Variants in COLEC10 observed in about 807,000 individuals in gnomAD.
COLEC10 encodes collectin subfamily member 10, also known as collectin-10.
Under a neutral mutation model 28.4 loss-of-function variants are expected in COLEC10, and 22 were observed. That is an observed-to-expected ratio of 0.78 (90% CI 0.55 to 1.11). The LOEUF is 1.11. Ranked by LOEUF, COLEC10 falls within the 50% of genes least tolerant of loss-of-function variation. The pLI is 0.00. For missense variants in COLEC10, 361 were observed against 344.1 expected, an observed-to-expected ratio of 1.05 and a Z score of -0.39; for synonymous variants, 125 against 116.1, an observed-to-expected ratio of 1.08 and a Z score of -0.49.
At chr8:119,019,390 A>T (rs1410861697) in intron 2 of COLEC10, among the ~76,000 whole-genome samples, 2 of 152,156 alleles carry the variant, frequency 1.3e-5, no homozygotes, top group Non-Finnish European at 2.9e-5. Flanking sequence ...TCTGTATTCC[A>T]TGTGCTCTTG....
At chr8:119,096,557 C>T (rs1177023842) in intron 3 of COLEC10, among the ~76,000 whole-genome samples, 2 of 151,756 alleles carry the variant, frequency 1.3e-5, no homozygotes, top group Admixed American at 1.3e-4. Context: ...CACCACTGCC[C>T]TCCAGCTTGG....
the COLEC10 span, among the ~76,000 whole-genome samples, chr8:118,958,062 G>T: frequency 6.6e-6 from 1 of 152,226 alleles, no homozygotes; most frequent in Non-Finnish European, 1.5e-5. Flanking sequence ...AAGCGAGTAG[G>T]CAGAGGAAAG....
chr8:119,094,617 G>A (rs1815674293), intron 3 of COLEC10, among the ~76,000 whole-genome samples: 2 of 152,256 alleles, frequency 1.3e-5, no homozygotes, highest in African/African-American at 2.4e-5. Flanking sequence ...TTCCTCCCAA[G>A]TCATCCACCA....
chr8:118,956,142 T>C, the COLEC10 span, among the ~76,000 whole-genome samples: 1 of 152,148 alleles, frequency 6.6e-6, no homozygotes, highest in Non-Finnish European at 1.5e-5. Context: ...TAGAGAGTTC[T>C]CTGGGGTCTC....
intron 1 of COLEC10, among the ~76,000 whole-genome samples, chr8:119,079,575 A>G (rs1563737187): frequency 6.6e-6 from 1 of 152,092 alleles, no homozygotes; most frequent in Non-Finnish European, 1.5e-5. Flanking sequence ...TTAATGTTGC[A>G]TTTTTCATTA....
chr8:119,084,329 C>T (rs1471947300), intron 1 of COLEC10, among the ~76,000 whole-genome samples: 1 of 152,164 alleles, frequency 6.6e-6, no homozygotes, highest in African/African-American at 2.4e-5. Context: ...CTCCCCTGGG[C>T]TTCATCAATA....
chr8:118,984,593 G>T, the COLEC10 span, among the ~76,000 whole-genome samples: 3 of 152,238 alleles, frequency 2.0e-5, no homozygotes, highest in African/African-American at 7.2e-5. Context: ...TTTGATATGA[G>T]GGATATTTGG....
intron 3 of COLEC10, among the ~76,000 whole-genome samples, chr8:119,096,683 A>G (rs1053255338): frequency 1.3e-5 from 2 of 152,114 alleles, no homozygotes; most frequent in Non-Finnish European, 2.9e-5. Context: ...GCTATGTGCT[A>G]CCTTTGTATT....
At chr8:119,094,045 T>C (rs1815662573) in intron 3 of COLEC10, among the ~76,000 whole-genome samples, 1 of 152,212 alleles carries the variant, frequency 6.6e-6, no homozygotes, top group South Asian at 2.1e-4. Flanking sequence ...CCATGTATAC[T>C]TATTGCTAGC....
the COLEC10 span, among the ~76,000 whole-genome samples, chr8:118,969,092 G>A: frequency 2.6e-5 from 4 of 151,972 alleles, no homozygotes; most frequent in African/African-American, 7.2e-5. Context: ...TAAGAGGAAG[G>A]CAAGAGGATC....
At chr8:119,023,959 G>C (rs777785389) in intron 2 of COLEC10, among the ~76,000 whole-genome samples, 2 of 152,130 alleles carry the variant, frequency 1.3e-5, no homozygotes, top group Non-Finnish European at 2.9e-5. Context: ...AACCTCATAC[G>C]CATGTATATT....
the COLEC10 span, among the ~76,000 whole-genome samples, chr8:118,969,648 T>A: frequency 6.6e-6 from 1 of 151,962 alleles, no homozygotes; most frequent in Non-Finnish European, 1.5e-5. Flanking sequence ...GCTGTACTCT[T>A]TCCATTCCTT....
chr8:119,030,870 TC>T (rs1814275050), intron 2 of COLEC10, among the ~76,000 whole-genome samples: 1 of 152,178 alleles, frequency 6.6e-6, no homozygotes, highest in East Asian at 1.9e-4. Context: ...CTTATAATTA[TC>T]CATCCTGTAT....
intron 3 of COLEC10, 97 bp from the exon 4 acceptor site, chr8:119,102,235 CCTCCCTCCTTCCTTCT>C (rs1815845577): frequency 1.5e-5 from 5 of 329,184 alleles, no homozygotes; most frequent in Non-Finnish European, 2.3e-5. Flanking sequence ...TCCCTCCCTC[CCTCCCTCCTTCCTTCT>C]TTTCCTTCCT....
At chr8:119,030,404 C>G (rs924715744) in intron 2 of COLEC10, among the ~76,000 whole-genome samples, 1 of 139,132 alleles carries the variant, frequency 7.2e-6, no homozygotes, top group Non-Finnish European at 1.5e-5. Context: ...ATGATTCATG[C>G]TGTAATCTCA....
At chr8:119,015,990 G>T (rs1214992064) in intron 2 of COLEC10, among the ~76,000 whole-genome samples, 1 of 152,136 alleles carries the variant, frequency 6.6e-6, no homozygotes, top group African/African-American at 2.4e-5. Flanking sequence ...CAATAGGTAT[G>T]CTATCATTCT....
At chr8:119,102,081 A>G (rs748105734) in intron 3 of COLEC10, among the ~76,000 whole-genome samples, 85 of 152,284 alleles carry the variant, frequency 5.6e-4, no homozygotes, top group Admixed American at 1.6e-3. Flanking sequence ...GACTCATTTA[A>G]TTAGTTGCAC....
At chr8:118,988,841 T>C in the COLEC10 span, among the ~76,000 whole-genome samples, 1 of 152,184 alleles carries the variant, frequency 6.6e-6, no homozygotes, top group Non-Finnish European at 1.5e-5. Context: ...TTAAACATAA[T>C]CTAACTCCTA....
chr8:119,066,194 A>G (rs1396855954), upstream of COLEC10, among the ~76,000 whole-genome samples: 1 of 152,216 alleles, frequency 6.6e-6, no homozygotes, highest in African/African-American at 2.4e-5. Context: ...GCAGGTCCAA[A>G]ATCCCTTTCA....
Sources: allele counts gnomAD v4.1 joint callset (sites outside exome capture counted in the v4.1 genomes callset), GRCh38; gene constraint gnomAD v4.1.1; transcripts MANE v1.5; gene names NCBI Gene and HGNC (gene_info 2026-07-23, HGNC 2026-07-21).